KTN1: variants seen among roughly 807,000 people sequenced by gnomAD.
KTN1 encodes kinectin 1, also known as kinectin.
In KTN1, 130 loss-of-function variants were observed where a neutral mutation model predicts 222.5. The observed-to-expected ratio is 0.58, with a 90% CI of 0.51 to 0.68. KTN1 has a LOEUF of 0.68. Among genes scored for constraint, KTN1 ranks in the 30% least tolerant of loss-of-function variants. The probability of loss-of-function intolerance (pLI) is 0.00; values close to 1 mark genes in which losing one functional copy is unlikely to be tolerated. For synonymous variants in KTN1, 512 were observed against 496.3 expected (o/e 1.03, Z -0.42); for missense variants, 1,508 against 1,500.4 (o/e 1.01, Z -0.08).
chr14:55,653,002 C>A lies in KTN1; in HGVS notation c.2695-15C>A, dbSNP rs934564316. 6.3e-7 allele frequency: 1 copy of A among 1,591,900 alleles called. No homozygotes were observed. Among genetic ancestry groups the A allele is most frequent in the South Asian group, 1.1e-5 (1 of 89,578 alleles). ...TACTTGACTATCAATTTAATTTACA[C>A]CTATTCTTTTTAAGGATCTTCAAGA... On this transcript the variant is annotated splice_polypyrimidine_tract_variant and intron_variant, in intron 26 of 43. Transcript: ENST00000395314.
Position 55,672,917 on chromosome 14 carries a change from T to C in KTN1, c.3604-12T>C. 6.2e-7 allele frequency: 1 copy of C among 1,606,650 alleles called. No individual in the cohort carries two copies. The highest frequency in any genetic ancestry group is 8.5e-7 in the Non-Finnish European group (1 of 1,173,886). ...TTTAAGTGTGTTAACTTTTCCTTTGTTGCATTGCTAGCTGAGAAGAGAACG... is the reference window on the plus strand; with the variant it reads ...TTTAAGTGTGTTAACTTTTCCTTTGCTGCATTGCTAGCTGAGAAGAGAACG... On this transcript the variant is annotated splice_polypyrimidine_tract_variant and intron_variant, in intron 38 of 43. Coordinates refer to ENST00000395314, the MANE Select transcript of KTN1 (RefSeq NM_001079521.2).
Position 55,619,439 on chromosome 14 carries a change from C to T in KTN1, c.963+127C>T, listed in dbSNP as rs2038833321. On this transcript the variant is annotated intron_variant, in intron 5 of 43. Transcript: ENST00000395314. Reference sequence around the variant, plus strand: ...CATCTCAGAACATACATCTGGAATGCCTTCAGAAATTACTTTATATATCGT... The same window carrying T: ...CATCTCAGAACATACATCTGGAATGTCTTCAGAAATTACTTTATATATCGT... 3.6e-6 allele frequency: 3 copies of T among 840,628 alleles called. No homozygotes were observed. The African/African-American group carries it at 5.1e-5, about 14-fold the overall frequency. 52.1% of individuals were successfully genotyped at this position (840,628 alleles called of 1,614,324 possible). A position where few individuals can be genotyped will look rare whatever the true frequency, so the allele number is the denominator to read the frequency against.
chr14:55,633,574 A>G (rs1159233270), intron 8 of KTN1, among the ~76,000 whole-genome samples: 1 of 151,424 alleles, frequency 6.6e-6, no homozygotes, highest in Non-Finnish European at 1.5e-5. Context: ...ATACAAATAC[A>G]TTAATATATA....
chr14:55,614,101 T>C (rs2038000876), intron 2 of KTN1, among the ~76,000 whole-genome samples: 1 of 151,552 alleles, frequency 6.6e-6, no homozygotes, highest in Admixed American at 6.6e-5. Flanking sequence ...GTATAGAGAG[T>C]GGTAGGGAAC....
At chr14:55,661,137 C>A (rs1286865368) in intron 31 of KTN1, 1 of 153,494 alleles carries the variant, frequency 6.5e-6, no homozygotes, top group African/African-American at 2.4e-5. Flanking sequence ...ATTCATTGCC[C>A]TCTGGAAAAA....
At chr14:55,628,646 C>T (rs1277352087) in intron 6 of KTN1, among the ~76,000 whole-genome samples, 2 of 152,112 alleles carry the variant, frequency 1.3e-5, no homozygotes, top group Admixed American at 1.3e-4. Flanking sequence ...GAGTCATTCA[C>T]CTAGCCACTT....
intron 3 of KTN1, 56 bp downstream of exon 3, chr14:55,616,710 A>T: frequency 2.1e-6 from 3 of 1,429,708 alleles, no homozygotes; most frequent in Non-Finnish European, 2.8e-6. Flanking sequence ...GTACACCAGC[A>T]CAAGGACCCT....
chr14:55,667,365 C>T lies in KTN1; in HGVS notation c.3267+35C>T, dbSNP rs763499686. 19 of 1,277,100 alleles carry T rather than the reference C, an allele frequency of 1.5e-5. No individual in the cohort carries two copies. The African/African-American group carries it at 2.8e-4, about 19-fold the overall frequency. 79.1% of individuals were successfully genotyped at this position (1,277,100 alleles called of 1,614,324 possible). ...ATTTATTATTTTTTTAACATGATGA[C>T]ATTATTCAAGAAAGGTGTGAATAAG... is the stretch of plus-strand genomic sequence containing the variant. On this transcript the variant is annotated intron_variant, in intron 34 of 43. Transcript: ENST00000395314.
intron 19 of KTN1, 122 bp downstream of exon 19, chr14:55,647,129 T>A: frequency 1.5e-6 from 1 of 680,006 alleles, no homozygotes; most frequent in Middle Eastern, 2.5e-4. Context: ...TGCTGTTGAT[T>A]TGGGATTACA....
chr14:55,684,007 G>T, intron 43 of KTN1, 92 bp from the exon 44 acceptor site: 1 of 1,086,872 alleles, frequency 9.2e-7, no homozygotes, highest in South Asian at 1.4e-5. Context: ...AGATCAAATG[G>T]AATATGTACT....
At chr14:55,628,749 A>G (rs2040152002) in intron 6 of KTN1, among the ~76,000 whole-genome samples, 1 of 152,220 alleles carries the variant, frequency 6.6e-6, no homozygotes, top group Non-Finnish European at 1.5e-5. Context: ...AAAGTTGGCA[A>G]GATTAATTAA....
intron 10 of KTN1, among the ~76,000 whole-genome samples, chr14:55,636,794 T>G (rs79877133): frequency 0.036 from 5,472 of 152,132 alleles, 328 homozygotes; most frequent in Admixed American, 0.13. Flanking sequence ...TGGCTGTGTG[T>G]GTTTCTTTTC....
chr14:55,634,556 G>C lies in KTN1; in HGVS notation c.1359G>C (p.Gln453His). Reference sequence around the variant, plus strand: ...CTGCAGAACTAAATAAACTACGCCAGGATTATGCTAGGTTGGTGAATGAGC... The same window carrying C: ...CTGCAGAACTAAATAAACTACGCCACGATTATGCTAGGTTGGTGAATGAGC... ...KQSAELNKLR[Q>H]DYARLVNELT... is the part of the protein sequence containing the mutation. The change falls in exon 9 of 44, where the codon CAG (glutamine) becomes CAC (histidine). Residue 453 changes from glutamine to histidine, a missense_variant. By Grantham distance (24) the Gln-to-His change is conservative. Coordinates refer to ENST00000395314, the MANE Select transcript of KTN1 (RefSeq NM_001079521.2). The C allele has an allele frequency of 6.2e-7, 1 of 1,613,580 alleles. No individual in the cohort carries two copies. The highest frequency in any genetic ancestry group is 8.5e-7 in the Non-Finnish European group (1 of 1,179,786).
intron 1 of KTN1, among the ~76,000 whole-genome samples, chr14:55,610,162 T>A (rs993857634): frequency 6.6e-6 from 1 of 152,174 alleles, no homozygotes; most frequent in Non-Finnish European, 1.5e-5. Flanking sequence ...TCATATAGAT[T>A]AATAGCATGC....
Position 55,639,218 on chromosome 14 carries a change from A to G in KTN1, c.1819A>G (p.Lys607Glu), listed in dbSNP as rs1355176303. The G allele has an allele frequency of 3.1e-6, 5 of 1,603,072 alleles. No homozygotes were observed. The highest frequency in any genetic ancestry group is 1.7e-5 in the Admixed American group (1 of 59,914). Residue 607 changes from lysine to glutamate, a missense_variant, in exon 13 of 44, where the codon AAA becomes GAA. Transcript: ENST00000395314. Reference protein sequence around the residue: ...SASVLAEELHKVIAEKDKQIK... With the variant: ...SASVLAEELHEVIAEKDKQIK... ...TTCAGTTCTAGCAGAAGAATTACAT[A>G]AAGTGTAAGCCTACCTTTTCACACT...
In KTN1 at chr14:55,641,145, T is replaced by C. The variant is rs749792349; in HGVS notation, c.2040T>C (p.Asp680=). 6 of 1,588,320 alleles carry C rather than the reference T, an allele frequency of 3.8e-6. No individual in the cohort carries two copies. In the African/African-American group the frequency reaches 8.2e-5, roughly 22 times the overall value. The change falls in exon 17 of 44, where the codon GAT becomes GAC. Residue 680 remains aspartate, a synonymous_variant. Transcript: ENST00000395314. ...CTCATAGTGTTTATGTTAAAGATGA[T>C]AAAATAAGATTGCTGGAAGAGCAAC... The part of the protein sequence containing the change: ...KMQQSVYVKD[D]KIRLLEEQLQ...
intron 24 of KTN1, among the ~76,000 whole-genome samples, chr14:55,651,052 A>G (rs2042891532): frequency 6.6e-6 from 1 of 152,192 alleles, no homozygotes; most frequent in Non-Finnish European, 1.5e-5. Flanking sequence ...AGATGTGATT[A>G]CTGGAAATTG....
chr14:55,647,500 G>T (rs1292446772), intron 19 of KTN1, among the ~76,000 whole-genome samples: 1 of 151,824 alleles, frequency 6.6e-6, no homozygotes, highest in Non-Finnish European at 1.5e-5. Context: ...AGGCATGGTG[G>T]TGCATGCCTG....
intron 9 of KTN1, 117 bp from the exon 10 acceptor site, chr14:55,636,332 C>G (rs954509511): frequency 2.9e-6 from 2 of 684,042 alleles, no homozygotes; most frequent in African/African-American, 1.8e-5. Context: ...AGACTAGTTG[C>G]AATAAGCAGT....
Sources: gnomAD v4.1 joint callset for allele counts (sites outside exome capture counted in the v4.1 genomes callset) on GRCh38, gnomAD v4.1.1 for gene constraint, MANE v1.5 for transcripts, NCBI Gene and HGNC (gene_info 2026-07-23, HGNC 2026-07-21) for gene names.